ELAVL2: variants seen among roughly 807,000 people sequenced by gnomAD.
ELAVL2 encodes the protein ELAV-like protein 2.
ELAVL2 carries 4 observed loss-of-function variants against 34.6 expected under a neutral mutation model. The ratio of observed to expected loss-of-function variants is 0.12; its 90% CI spans 0.06 to 0.26. The LOEUF is 0.26. ELAVL2 is among the 10% of genes least tolerant of loss of function. ELAVL2 has a pLI of 1.00. For missense variants in ELAVL2, 432 were observed against 442.8 expected (o/e 0.98, Z 0.22); for synonymous variants, 193 against 154.8 (o/e 1.25, Z -1.83).
intron 1 of ELAVL2, among the ~76,000 whole-genome samples, chr9:23,796,186 T>C (rs113645081): frequency 0.018 from 2,689 of 152,340 alleles, 50 homozygotes; most frequent in East Asian, 0.068. Context: ...AGGGTGATCA[T>C]TGTTAACATA....
chr9:23,692,389 T>A lies in ELAVL2; in HGVS notation c.*168A>T. The A allele has an allele frequency of 1.4e-6, 1 of 718,426 alleles. No individual in the cohort carries two copies. The highest frequency in any genetic ancestry group is 2.2e-6 in the Non-Finnish European group (1 of 452,810). The allele number at this position is 718,426 out of a possible 1,614,324, so 44.5% of individuals were successfully genotyped here. The stretch of plus-strand genomic sequence containing the variant: ...TAAAAGATATTTAAGAAGTTTTAAT[T>A]CAAATACTAGCAATAAAAAATCTCA... On this transcript the variant is annotated 3_prime_UTR_variant, in exon 7 of 7. Coordinates refer to ENST00000397312, the MANE Select transcript of ELAVL2 (RefSeq NM_004432.5).
chr9:23,719,756 G>A (rs969414721), intron 3 of ELAVL2, among the ~76,000 whole-genome samples: 5 of 151,760 alleles, frequency 3.3e-5, no homozygotes, highest in African/African-American at 1.2e-4. Context: ...ACTGGGTAGG[G>A]AAGGAAGAGG....
chr9:23,707,496 G>T (rs1213954391), intron 3 of ELAVL2, among the ~76,000 whole-genome samples: 1 of 150,944 alleles, frequency 6.6e-6, no homozygotes, highest in Non-Finnish European at 1.5e-5. Flanking sequence ...TCCAGGGCAG[G>T]CATCTACACA....
chr9:23,844,389 T>A, the ELAVL2 span, among the ~76,000 whole-genome samples: 1 of 152,018 alleles, frequency 6.6e-6, no homozygotes, highest in African/African-American at 2.4e-5. Flanking sequence ...TTCTAAGACA[T>A]CAAAATGTTG....
At chr9:23,823,658 T>C (rs2065094395) in intron 1 of ELAVL2, among the ~76,000 whole-genome samples, 1 of 152,232 alleles carries the variant, frequency 6.6e-6, no homozygotes, top group Non-Finnish European at 1.5e-5. Flanking sequence ...TATCTGTTCA[T>C]AGTCTGACAA....
At chr9:23,752,449 A>G (rs907938446) in intron 2 of ELAVL2, among the ~76,000 whole-genome samples, 1 of 151,470 alleles carries the variant, frequency 6.6e-6, no homozygotes, top group East Asian at 1.9e-4. Context: ...AAATCCTACT[A>G]CCACTTAAGA....
chr9:23,734,363 T>C (rs1376953538), intron 2 of ELAVL2, among the ~76,000 whole-genome samples: 1 of 152,230 alleles, frequency 6.6e-6, no homozygotes, highest in African/African-American at 2.4e-5. Context: ...TGTTCGGTAT[T>C]CAGATTCTTC....
intron 1 of ELAVL2, among the ~76,000 whole-genome samples, chr9:23,811,986 A>ACACAGTC (rs2063072105): frequency 6.6e-6 from 1 of 152,140 alleles, no homozygotes; most frequent in Non-Finnish European, 1.5e-5. Flanking sequence ...CCAAGAAAAG[A>ACACAGTC]CACAGTCCTG....
At chr9:23,815,158 A>C (rs1050202038) in intron 1 of ELAVL2, among the ~76,000 whole-genome samples, 2 of 152,190 alleles carry the variant, frequency 1.3e-5, no homozygotes, top group African/African-American at 4.8e-5. Flanking sequence ...GAAAACGCGG[A>C]CTATTTTAAT....
At chr9:23,746,101 A>G (rs537752750) in intron 2 of ELAVL2, among the ~76,000 whole-genome samples, 1 of 152,344 alleles carries the variant, frequency 6.6e-6, no homozygotes, top group East Asian at 1.9e-4. Flanking sequence ...TTCCTCCAAC[A>G]CTAACAAAGT....
chr9:23,696,473 A>G (rs1009328918), intron 5 of ELAVL2, among the ~76,000 whole-genome samples: 22 of 151,898 alleles, frequency 1.4e-4, no homozygotes, highest in Admixed American at 1.4e-3. Flanking sequence ...TTTTTATTTT[A>G]TTTATTTATT....
chr9:23,792,117 T>C (rs1327132415), intron 1 of ELAVL2, among the ~76,000 whole-genome samples: 1 of 152,234 alleles, frequency 6.6e-6, no homozygotes, highest in African/African-American at 2.4e-5. Context: ...CAGTATTCAG[T>C]AAATTACATG....
intron 4 of ELAVL2, among the ~76,000 whole-genome samples, chr9:23,701,820 TTACA>T (rs1483674616): frequency 6.6e-6 from 1 of 152,204 alleles, no homozygotes; most frequent in Non-Finnish European, 1.5e-5. Context: ...TTCGTGTCAC[TTACA>T]TAATCTGAGT....
chr9:23,816,317 TAAAAAAAAAA>T (rs10717104), intron 1 of ELAVL2, among the ~76,000 whole-genome samples: 2 of 44,696 alleles, frequency 4.5e-5, no homozygotes, highest in African/African-American at 9.2e-5. Flanking sequence ...AAGCTTTCAG[TAAAAAAAAAA>T]AAAAAAAAAA....
intron 1 of ELAVL2, among the ~76,000 whole-genome samples, chr9:23,797,541 CAG>C (rs1411076019): frequency 6.6e-6 from 1 of 152,100 alleles, no homozygotes; most frequent in Non-Finnish European, 1.5e-5. Flanking sequence ...TAGATAATGA[CAG>C]AAATAATTAA....
intron 4 of ELAVL2, 134 bp downstream of exon 4, chr9:23,704,784 G>C: frequency 8.7e-7 from 1 of 1,155,678 alleles, no homozygotes; most frequent in East Asian, 2.4e-5. Flanking sequence ...AATTCCAGCA[G>C]AAAATTGCAT....
At chr9:23,783,569 G>A in intron 1 of ELAVL2, 1 of 887,916 alleles carries the variant, frequency 1.1e-6, no homozygotes, top group East Asian at 1.2e-4. Flanking sequence ...GGACACAGAA[G>A]AAAACAGATA....
intron 3 of ELAVL2, among the ~76,000 whole-genome samples, chr9:23,716,189 T>G (rs1010901449): frequency 1.4e-5 from 2 of 141,490 alleles, no homozygotes; most frequent in African/African-American, 5.1e-5. Context: ...GGGGGAGGGA[T>G]AGCATTAGGA....
chr9:23,767,033 T>C (rs956512916), intron 1 of ELAVL2, among the ~76,000 whole-genome samples: 6 of 152,224 alleles, frequency 3.9e-5, no homozygotes, highest in African/African-American at 1.4e-4. Context: ...CCTGTTATTA[T>C]CCAAGTAATA....
Sources: gnomAD v4.1 joint callset for allele counts (sites outside exome capture counted in the v4.1 genomes callset) on GRCh38, gnomAD v4.1.1 for gene constraint, MANE v1.5 for transcripts, NCBI Gene and HGNC (gene_info 2026-07-23, HGNC 2026-07-21) for gene names.